Variants in GPC1 observed in about 807,000 individuals in gnomAD.
GPC1 encodes the protein glypican 1.
GPC1 carries 26 observed loss-of-function variants against 51.5 expected under a neutral mutation model. The ratio of observed to expected loss-of-function variants is 0.50; its 90% CI spans 0.37 to 0.70. The LOEUF (loss-of-function observed/expected upper bound fraction) is 0.70, where lower values mean the gene tolerates loss of function less well. Ranked by LOEUF, GPC1 falls within the 30% of genes least tolerant of loss-of-function variation. The pLI is 0.00. For synonymous variants in GPC1, 380 were observed against 348.3 expected, an observed-to-expected ratio of 1.09 and a Z score of -1.01; for missense variants, 775 against 800.5, an observed-to-expected ratio of 0.97 and a Z score of 0.38.
At chr2:240,453,249 G>A (rs115136771) in intron 1 of GPC1, among the ~76,000 whole-genome samples, 5,735 of 15,642 alleles carry the variant, frequency 0.37, 386 homozygotes, top group Non-Finnish European at 0.41. Flanking sequence ...CACCCCACCC[G>A]TCGCCCCAGC....
chr2:240,465,091 G>C lies in GPC1; in HGVS notation c.1149G>C (p.Lys383Asn). 1 of 1,608,466 alleles carries C rather than the reference G, an allele frequency of 6.2e-7. No homozygotes were observed. The highest frequency in any genetic ancestry group is 1.1e-5 in the South Asian group (1 of 90,144). The change falls in exon 7 of 9, where the codon AAG (lysine) becomes AAC (asparagine). Residue 383 changes from lysine (K) to asparagine (N), a missense_variant. Coordinates refer to ENST00000264039, the MANE Select transcript of GPC1 (RefSeq NM_002081.3). The part of the protein sequence containing the change: ...GTLEKLVSEA[K>N]AQLRDVQDFW... ...CTGCCCCACAGGTCTCCGAAGCCAA[G>C]GCCCAGCTCCGCGACGTCCAGGACT...
chr2:240,456,462 A>G (rs1437323786), intron 1 of GPC1: 1 of 391,154 alleles, frequency 2.6e-6, no homozygotes, highest in African/African-American at 2.1e-5. Context: ...CCTGTGGCCC[A>G]GCCAGCCTGG....
At chr2:240,456,849 C>T (rs1408458357) in intron 1 of GPC1, 3 of 308,694 alleles carry the variant, frequency 9.7e-6, no homozygotes, top group Non-Finnish European at 2.0e-5. Context: ...GTACCTGTGT[C>T]CCAGTCTTCT....
At chr2:240,462,610 A>G in intron 3 of GPC1, 28 bp downstream of exon 3, 1 of 1,501,378 alleles carries the variant, frequency 6.7e-7, no homozygotes, top group Non-Finnish European at 8.8e-7. Context: ...GGGCTCTCAG[A>G]AACCCCTCCA....
chr2:240,457,709 G>A (rs77687460), intron 1 of GPC1, among the ~76,000 whole-genome samples: 4,164 of 152,202 alleles, frequency 0.027, 197 homozygotes, highest in East Asian at 0.18. Flanking sequence ...GGCTGACCCC[G>A]CCCTCGGTCC....
At position 240,465,524 on chromosome 2, in the gene GPC1, C is replaced by T. The variant is rs760508038; in HGVS notation, c.1320C>T (p.Pro440=). The T allele has an allele frequency of 2.8e-5, 45 of 1,613,062 alleles. 2 individuals carry two copies. In the Admixed American group the frequency reaches 4.7e-4, roughly 17 times the overall value. The change falls in exon 8 of 9, where the codon CCC becomes CCT. Residue 440 remains proline (P), a synonymous_variant. Coordinates refer to ENST00000264039, the MANE Select transcript of GPC1 (RefSeq NM_002081.3). ...GDGLANQINN[P]EVEVDITKPD... is the part of the protein sequence containing the mutation. ...GCCTGGCCAACCAGATCAACAACCC[C>T]GAGGTGGAGGTGGACATCACCAAGC...
chr2:240,442,905 GCCCCA>G (rs1301964347), intron 1 of GPC1, among the ~76,000 whole-genome samples: 1 of 152,180 alleles, frequency 6.6e-6, no homozygotes, highest in Non-Finnish European at 1.5e-5. Flanking sequence ...GAGTGACCAC[GCCCCA>G]GCCTGCCACT....
At chr2:240,440,124 G>A (rs1180014301) in intron 1 of GPC1, among the ~76,000 whole-genome samples, 3 of 152,158 alleles carry the variant, frequency 2.0e-5, no homozygotes, top group African/African-American at 4.8e-5. Context: ...TGTGCACCTC[G>A]TGGGCAGCCT....
At chr2:240,459,240 G>T (rs2074196872) in intron 2 of GPC1, 52 bp downstream of exon 2, 8 of 1,544,570 alleles carry the variant, frequency 5.2e-6, no homozygotes, top group Non-Finnish European at 7.1e-6. Context: ...GTGCATCGGG[G>T]GAGGGGCACA....
At chr2:240,456,307 C>CGTCTGCG (rs1559199662) in intron 1 of GPC1, among the ~76,000 whole-genome samples, 2 of 151,854 alleles carry the variant, frequency 1.3e-5, no homozygotes, top group African/African-American at 2.4e-5. Flanking sequence ...CAGCCTCTCC[C>CGTCTGCG]GTCTGCGTGG....
chr2:240,447,221 C>T (rs897468061), intron 1 of GPC1, among the ~76,000 whole-genome samples: 5 of 152,214 alleles, frequency 3.3e-5, no homozygotes, highest in South Asian at 4.1e-4. Context: ...ATTGAGGTGT[C>T]GTAGATGACC....
At position 240,453,874 on chromosome 2, in the gene GPC1, T is replaced by C. The variant is rs1019282914; in HGVS notation, c.167-5156T>C. On this transcript the variant is annotated intron_variant, in intron 1 of 8. Coordinates refer to ENST00000264039, the MANE Select transcript of GPC1 (RefSeq NM_002081.3). Reference sequence around the variant, plus strand: ...GCCTTTGTTCCGCCGCCGGGGCCGGTTTCACGCCTGTCGCCCTCGCAAGCA... The same window carrying C: ...GCCTTTGTTCCGCCGCCGGGGCCGGCTTCACGCCTGTCGCCCTCGCAAGCA... Among the ~76,000 whole-genome samples the C allele has an allele frequency of 3.3e-5, 5 of 151,934 alleles. 1 individual carries two copies. The highest frequency in any genetic ancestry group is 3.3e-4 in the Admixed American group (5 of 15,268).
At position 240,451,267 on chromosome 2, in the gene GPC1, T is replaced by C. The variant is rs111883214; in HGVS notation, c.167-7763T>C. 51 of 471,036 alleles carry C rather than the reference T, an allele frequency of 1.1e-4. 1 individual carries two copies. Among genetic ancestry groups the C allele is most frequent in the African/African-American group, 1.8e-4 (9 of 50,174 alleles). 29.2% of individuals were successfully genotyped at this position (471,036 alleles called of 1,614,324 possible). A position where few individuals can be genotyped will look rare whatever the true frequency, so the allele number is the denominator to read the frequency against. On this transcript the variant is annotated intron_variant, in intron 1 of 8. Coordinates refer to ENST00000264039, the MANE Select transcript of GPC1 (RefSeq NM_002081.3). ...CATTCACGGGGCAGATGGACGGGCC[T>C]GCGCGGCGTCTTTGTGGACTGGAAT...
At chr2:240,463,234 G>A in intron 3 of GPC1, 113 bp from the exon 4 acceptor site, 1 of 856,810 alleles carries the variant, frequency 1.2e-6, no homozygotes, top group Non-Finnish European at 1.8e-6. Context: ...GCAGAGCAGA[G>A]GCCTCCCCTG....
At chr2:240,453,332 A>T (rs1233682744) in intron 1 of GPC1, among the ~76,000 whole-genome samples, 56 of 1,172 alleles carry the variant, frequency 0.048, 7 homozygotes, top group African/African-American at 0.12. Flanking sequence ...CCCCGCTCCC[A>T]CCGCCCGCCC....
Position 240,446,753 on chromosome 2 carries a change from G to A in GPC1, c.166+10669G>A, listed in dbSNP as rs144820610. ...GCATCTGGGTCCTGGAGCACTGGGGGCCAGCTCATTGAGAGGACCAGAGAG... is the reference window on the plus strand; with the variant it reads ...GCATCTGGGTCCTGGAGCACTGGGGACCAGCTCATTGAGAGGACCAGAGAG... On this transcript the variant is annotated intron_variant, in intron 1 of 8. Transcript: ENST00000264039. Among the ~76,000 whole-genome samples, 1,221 of 152,306 alleles carry A rather than the reference G, an allele frequency of 8.0e-3. 45 individuals are homozygous for A. The highest frequency in any genetic ancestry group is 0.064 in the Admixed American group (982 of 15,306).
rs747419583 is a variant in GPC1, at chr2:240,463,340, T to TC, written c.718-3dup. The TC allele has an allele frequency of 6.2e-7, 1 of 1,611,986 alleles. No individual in the cohort carries two copies. Among genetic ancestry groups the TC allele is most frequent in the Non-Finnish European group, 8.5e-7 (1 of 1,179,464 alleles). ...CGGGGCCTGGCTTAGGGTCCCTTGCTCCCCAGGTCCCCCTGGGCCCGGAGT... is the reference window on the plus strand; with the variant it reads ...CGGGGCCTGGCTTAGGGTCCCTTGCTCCCCCAGGTCCCCCTGGGCCCGGAGT... On this transcript the variant is annotated splice_region_variant and splice_polypyrimidine_tract_variant and intron_variant, in intron 3 of 8. Coordinates refer to ENST00000264039, the MANE Select transcript of GPC1 (RefSeq NM_002081.3).
chr2:240,439,595 G>A (rs1316454629), intron 1 of GPC1, among the ~76,000 whole-genome samples: 1 of 152,176 alleles, frequency 6.6e-6, no homozygotes, highest in African/African-American at 2.4e-5. Context: ...TGGGTGGTTG[G>A]CACACAGACT....
At chr2:240,458,015 G>C in intron 1 of GPC1, 1 of 470,024 alleles carries the variant, frequency 2.1e-6, no homozygotes, top group Non-Finnish European at 4.4e-6. Flanking sequence ...CGGGGGACGA[G>C]GCCCAGAAGG....
Sources: allele counts gnomAD v4.1 joint callset (sites outside exome capture counted in the v4.1 genomes callset), GRCh38; gene constraint gnomAD v4.1.1; transcripts MANE v1.5; gene names NCBI Gene and HGNC (gene_info 2026-07-23, HGNC 2026-07-21).